The following GNA14 variants were observed in gnomAD, a reference collection of about 807,000 sequenced individuals.
GNA14 encodes the protein guanine nucleotide-binding protein subunit alpha-14.
In GNA14, 50 loss-of-function variants were observed where a neutral mutation model predicts 42.0. The observed-to-expected ratio is 1.19, with a 90% CI of 0.95 to 1.51. GNA14 has a LOEUF of 1.51. Among genes scored for constraint, GNA14 ranks in the 40% most tolerant of loss-of-function variants. The probability of loss-of-function intolerance (pLI) is 0.00; values close to 1 mark genes in which losing one functional copy is unlikely to be tolerated. For missense variants in GNA14, 473 were observed against 446.2 expected (o/e 1.06, Z -0.54); for synonymous variants, 173 against 163.1 (o/e 1.06, Z -0.46).
chr9:77,513,322 A>C (rs1283359894), intron 2 of GNA14, among the ~76,000 whole-genome samples: 1 of 152,170 alleles, frequency 6.6e-6, no homozygotes, highest in African/African-American at 2.4e-5. Context: ...TCAGTTTCCC[A>C]CTCTGACATC....
chr9:77,466,292 C>T (rs981359530), intron 2 of GNA14, among the ~76,000 whole-genome samples: 3 of 151,938 alleles, frequency 2.0e-5, no homozygotes, highest in African/African-American at 7.3e-5. Context: ...GACCATGCTT[C>T]CTTTTCTTTC....
intron 2 of GNA14, among the ~76,000 whole-genome samples, chr9:77,467,878 C>G (rs1296814656): frequency 6.6e-6 from 1 of 151,990 alleles, no homozygotes; most frequent in Non-Finnish European, 1.5e-5. Context: ...TTTTCTTGCC[C>G]CCTCTTGGCA....
chr9:77,506,663 G>A (rs969678792), intron 2 of GNA14, among the ~76,000 whole-genome samples: 8 of 151,834 alleles, frequency 5.3e-5, no homozygotes, highest in African/African-American at 1.7e-4. Context: ...TCAACAGAGC[G>A]AGACTCCATC....
chr9:77,624,954 C>T (rs897524398), intron 1 of GNA14, among the ~76,000 whole-genome samples: 3 of 151,724 alleles, frequency 2.0e-5, no homozygotes, highest in African/African-American at 7.3e-5. Flanking sequence ...TAACAAACTC[C>T]TCCGAGCTAA....
At chr9:77,467,331 T>C (rs1353639590) in intron 2 of GNA14, among the ~76,000 whole-genome samples, 2 of 151,990 alleles carry the variant, frequency 1.3e-5, no homozygotes, top group Non-Finnish European at 2.9e-5. Flanking sequence ...TAAATCTACA[T>C]GTTACTGATA....
chr9:77,554,377 C>G (rs17786081), intron 1 of GNA14, among the ~76,000 whole-genome samples: 6,658 of 152,230 alleles, frequency 0.044, 154 homozygotes, highest in South Asian at 0.052. Context: ...ACAATTCTAT[C>G]CCCTCTTGGT....
chr9:77,631,014 G>C (rs1318234932), intron 1 of GNA14, among the ~76,000 whole-genome samples: 1 of 152,154 alleles, frequency 6.6e-6, no homozygotes, highest in Non-Finnish European at 1.5e-5. Flanking sequence ...TGAGTATCAA[G>C]AGGCTAAGAG....
At chr9:77,511,838 G>A (rs1212401064) in intron 2 of GNA14, among the ~76,000 whole-genome samples, 2 of 152,076 alleles carry the variant, frequency 1.3e-5, no homozygotes, top group Admixed American at 1.3e-4. Flanking sequence ...AAATGAACTT[G>A]GAACTTGTGT....
chr9:77,617,009 AC>A (rs1273444201), intron 1 of GNA14, among the ~76,000 whole-genome samples: 4 of 151,986 alleles, frequency 2.6e-5, no homozygotes, highest in Non-Finnish European at 4.4e-5. Flanking sequence ...CGCTGGGACT[AC>A]AGGCACCCAC....
chr9:77,490,790 G>A (rs562873425), intron 2 of GNA14, among the ~76,000 whole-genome samples: 103 of 152,342 alleles, frequency 6.8e-4, no homozygotes, highest in African/African-American at 2.3e-3. Context: ...CAAGCTGAGG[G>A]AGCCAGCTCT....
At chr9:77,472,742 G>A (rs796664472) in intron 2 of GNA14, among the ~76,000 whole-genome samples, 6 of 151,622 alleles carry the variant, frequency 4.0e-5, no homozygotes, top group African/African-American at 7.3e-5. Context: ...GAGTGGTGCC[G>A]TCACGATGGG....
At chr9:77,532,849 A>G (rs1159226506) in intron 1 of GNA14, among the ~76,000 whole-genome samples, 2 of 152,168 alleles carry the variant, frequency 1.3e-5, no homozygotes, top group Admixed American at 6.5e-5. Context: ...AGTGAAGACA[A>G]CAGGAACCCT....
chr9:77,445,014 C>A (rs1835792325), intron 2 of GNA14, among the ~76,000 whole-genome samples: 1 of 152,190 alleles, frequency 6.6e-6, no homozygotes. Flanking sequence ...GTAGGAATGA[C>A]AACAGAGCCC....
intron 2 of GNA14, among the ~76,000 whole-genome samples, chr9:77,479,957 T>C (rs10747016): frequency 0.88 from 133,214 of 151,418 alleles, 58,905 homozygotes; most frequent in East Asian, 0.99. Context: ...TGGGCTGAAA[T>C]GATGGGGTTT....
chr9:77,428,540 T>A (rs1432237726), intron 5 of GNA14, among the ~76,000 whole-genome samples: 1 of 152,124 alleles, frequency 6.6e-6, no homozygotes, highest in Non-Finnish European at 1.5e-5. Context: ...ACCAATTCAT[T>A]CAGAATCTCT....
At chr9:77,436,811 T>C (rs1587759752) in intron 2 of GNA14, among the ~76,000 whole-genome samples, 3 of 152,362 alleles carry the variant, frequency 2.0e-5, no homozygotes, top group East Asian at 3.9e-4. Flanking sequence ...ATAGGTGTCT[T>C]CTATGGATAG....
intron 2 of GNA14, among the ~76,000 whole-genome samples, chr9:77,503,911 A>T (rs1386227299): frequency 6.6e-6 from 1 of 152,106 alleles, no homozygotes; most frequent in Admixed American, 6.5e-5. Flanking sequence ...TGAACTCCTG[A>T]CCTCAAGTGA....
intron 1 of GNA14, among the ~76,000 whole-genome samples, chr9:77,590,375 T>G (rs1823372031): frequency 6.6e-6 from 1 of 152,168 alleles, no homozygotes. Flanking sequence ...CAGGTAAGAT[T>G]CACAACAAAA....
intron 2 of GNA14, among the ~76,000 whole-genome samples, chr9:77,488,250 C>T (rs1421929382): frequency 6.6e-6 from 1 of 152,116 alleles, no homozygotes; most frequent in African/African-American, 2.4e-5. Flanking sequence ...CTGCTGTCTC[C>T]AATCTACCCG....
Sources: gnomAD v4.1 joint callset for allele counts (sites outside exome capture counted in the v4.1 genomes callset) on GRCh38, gnomAD v4.1.1 for gene constraint, MANE v1.5 for transcripts, NCBI Gene and HGNC (gene_info 2026-07-23, HGNC 2026-07-21) for gene names.